Variants in PPM1B observed in about 807,000 individuals in gnomAD.
The protein encoded by PPM1B is protein phosphatase, Mg2+/Mn2+ dependent 1B, also known as protein phosphatase 1B.
PPM1B carries 22 observed loss-of-function variants against 43.0 expected under a neutral mutation model. That is an observed-to-expected ratio of 0.51 (90% confidence interval 0.37 to 0.73). The LOEUF is 0.73. PPM1B is among the 30% of genes least tolerant of loss of function. The pLI is 0.00. For missense variants in PPM1B, 632 were observed against 584.2 expected (o/e 1.08, Z -0.84); for synonymous variants, 217 against 197.9 (o/e 1.10, Z -0.81).
At chr2:44,208,673 A>T (rs754167656) in intron 2 of PPM1B, among the ~76,000 whole-genome samples, 1 of 152,204 alleles carries the variant, frequency 6.6e-6, no homozygotes, top group African/African-American at 2.4e-5. Context: ...AGATTGCGCC[A>T]TTGTGCTCCA....
At chr2:44,213,625 C>A (rs558927724) in intron 3 of PPM1B, 1 of 152,132 alleles carries the variant, frequency 6.6e-6, no homozygotes, top group East Asian at 1.9e-4. Context: ...TAGCTATGCA[C>A]CCTAAACAAT....
At chr2:44,192,475 C>T (rs2104079808) in intron 1 of PPM1B, among the ~76,000 whole-genome samples, 1 of 152,242 alleles carries the variant, frequency 6.6e-6, no homozygotes, top group South Asian at 2.1e-4. Context: ...CTCGGCCTCC[C>T]AAAGTACTGG....
chr2:44,222,688 A>T (rs748401463), intron 5 of PPM1B, among the ~76,000 whole-genome samples: 3 of 152,210 alleles, frequency 2.0e-5, no homozygotes, highest in Non-Finnish European at 4.4e-5. Flanking sequence ...AATTTGAATT[A>T]GTCTGACTCC....
Position 44,201,206 on chromosome 2 carries a change from G to A in PPM1B, c.7G>A (p.Ala3Thr). The change falls in exon 2 of 6, where the codon GCA becomes ACA. Residue 3 changes from alanine (A) to threonine (T), a missense_variant. Around this residue, in one of 3 missense-constraint regions of PPM1B, gnomAD observed 200 missense variants for 200.7 expected, o/e 1.00. Coordinates refer to ENST00000282412, the MANE Select transcript of PPM1B (RefSeq NM_002706.6). The surrounding 1 kb of genome is among the most constrained non-coding windows in gnomAD (Gnocchi z 5.4). ...TTCAGATTTATTGCTAAACATGGGT[G>A]CATTTTTGGATAAACCCAAAACTGA... Reference protein sequence around the residue: MGAFLDKPKTEKH... With the variant: MGTFLDKPKTEKH... The A allele has an allele frequency of 1.9e-6, 3 of 1,583,856 alleles. No homozygotes were observed. The highest frequency in any genetic ancestry group is 1.4e-5 in the African/African-American group (1 of 73,984).
chr2:44,190,423 T>C (rs1572700055), intron 1 of PPM1B, among the ~76,000 whole-genome samples: 1 of 152,312 alleles, frequency 6.6e-6, no homozygotes, highest in Non-Finnish European at 1.5e-5. Flanking sequence ...CCTCCCAAAG[T>C]GTTGGGATTA....
intron 1 of PPM1B, among the ~76,000 whole-genome samples, chr2:44,192,814 A>G (rs1022102275): frequency 6.6e-6 from 1 of 152,178 alleles, no homozygotes; most frequent in Non-Finnish European, 1.5e-5. Context: ...GAGAATATAC[A>G]ATATTTGTCT....
At chr2:44,229,931 A>C in intron 5 of PPM1B, 1 of 1,398,216 alleles carries the variant, frequency 7.2e-7, no homozygotes, top group East Asian at 2.6e-5. Context: ...AAAACTCTAA[A>C]ATCTTTCAAA....
At chr2:44,170,484 T>C (rs533163414) in intron 1 of PPM1B, among the ~76,000 whole-genome samples, 1 of 152,346 alleles carries the variant, frequency 6.6e-6, no homozygotes, top group East Asian at 1.9e-4. Context: ...TTACTGAGGC[T>C]TACTGTGGGA....
Position 44,178,477 on chromosome 2 carries a change from T to A in PPM1B, c.-15+9203T>A, listed in dbSNP as rs531811551. On this transcript the variant is annotated intron_variant, in intron 1 of 5. Transcript: ENST00000282412. ...GTATATATATATATATATATATATT[T>A]TTTTTTTTAGACAGAGTTTCGCTCT... 4.6e-3 allele frequency among the ~76,000 whole-genome samples: 652 copies of A among 142,704 alleles called. 10 individuals are homozygous for A. In the South Asian group the frequency reaches 0.05, roughly 11 times the overall value. 93.6% of individuals were successfully genotyped at this position (142,704 alleles called of 152,430 possible). A position where few individuals can be genotyped will look rare whatever the true frequency, so the allele number is the denominator to read the frequency against.
chr2:44,172,053 C>G (rs1667373610), intron 1 of PPM1B, among the ~76,000 whole-genome samples: 1 of 151,998 alleles, frequency 6.6e-6, no homozygotes, highest in Non-Finnish European at 1.5e-5. Context: ...CTGGTGGCAT[C>G]AGAATAATAA....
At position 44,230,614 on chromosome 2, in the gene PPM1B, C is replaced by T; in HGVS notation, c.1336C>T (p.Pro446Ser). ...TTCTTCGAACAGTGATGCTGGAAAC[C>T]CAGTGACAATGCAGGAAAGCCATAC... ...ATSSNSDAGN[P>S]VTMQESHTES... is the part of the protein sequence containing the mutation. Residue 446 changes from proline (P) to serine (S), a missense_variant, in exon 6 of 6, where the codon CCA (proline) becomes TCA (serine). Coordinates refer to ENST00000282412, the MANE Select transcript of PPM1B (RefSeq NM_002706.6). 1 of 1,614,126 alleles carries T rather than the reference C, an allele frequency of 6.2e-7. No individual in the cohort carries two copies.
At position 44,231,138 on chromosome 2, in the gene PPM1B, C is replaced by A. The variant is rs1670453530; in HGVS notation, c.*420C>A. On this transcript the variant is annotated 3_prime_UTR_variant, in exon 6 of 6. Coordinates refer to ENST00000282412, the MANE Select transcript of PPM1B (RefSeq NM_002706.6). ...TAGCTTTGTAATAAATTTATGTTTTCTTTAATAATTTTAGTTCTTCAAAGA... is the reference window on the plus strand; with the variant it reads ...TAGCTTTGTAATAAATTTATGTTTTATTTAATAATTTTAGTTCTTCAAAGA... 1 of 948,766 alleles carries A rather than the reference C, an allele frequency of 1.1e-6. No homozygotes were observed. Among genetic ancestry groups the A allele is most frequent in the African/African-American group, 1.8e-5 (1 of 56,318 alleles). 58.8% of individuals were successfully genotyped at this position (948,766 alleles called of 1,614,324 possible). A position where few individuals can be genotyped will look rare whatever the true frequency, so the allele number is the denominator to read the frequency against.
At chr2:44,172,797 C>T (rs888638158) in intron 1 of PPM1B, among the ~76,000 whole-genome samples, 2 of 152,208 alleles carry the variant, frequency 1.3e-5, no homozygotes, top group East Asian at 3.9e-4. Context: ...TAGTTAGCTG[C>T]TTGGGAGGCT....
intron 1 of PPM1B, among the ~76,000 whole-genome samples, chr2:44,176,501 A>G (rs1667588213): frequency 6.6e-6 from 1 of 152,172 alleles, no homozygotes; most frequent in Non-Finnish European, 1.5e-5. Context: ...TTCTCCTTCC[A>G]TAGCTTTGTT....
chr2:44,246,045 C>T (rs1460671518), downstream of PPM1B, among the ~76,000 whole-genome samples: 2 of 152,134 alleles, frequency 1.3e-5, no homozygotes, highest in Non-Finnish European at 2.9e-5. Flanking sequence ...TCTTTTCTGT[C>T]CCCCATTATT....
chr2:44,185,064 T>C (rs2104037387), intron 1 of PPM1B, among the ~76,000 whole-genome samples: 1 of 151,848 alleles, frequency 6.6e-6, no homozygotes, highest in Non-Finnish European at 1.5e-5. Context: ...TTGGGTTTTA[T>C]AGTAATCCTA....
downstream of PPM1B, among the ~76,000 whole-genome samples, chr2:44,245,517 T>A (rs112032374): frequency 7.9e-5 from 12 of 152,346 alleles, no homozygotes; most frequent in African/African-American, 2.2e-4. Flanking sequence ...AGAGATGTAG[T>A]TGATCTGAGT....
At position 44,209,252 on chromosome 2, in the gene PPM1B, A is replaced by C. The variant is rs1486301767; in HGVS notation, c.889A>C (p.Asn297His). 6.2e-7 allele frequency: 1 copy of C among 1,613,860 alleles called. No homozygotes were observed. The highest frequency in any genetic ancestry group is 1.1e-5 in the South Asian group (1 of 91,058). ...NMSIVLVCFS[N>H]APKVSDEAVK... ...GAGTATTGTACTAGTTTGCTTTTCA[A>C]ATGCTCCCAAGGTCTCAGATGAAGC... is the stretch of plus-strand genomic sequence containing the variant. The change falls in exon 3 of 6, where the codon AAT (asparagine) becomes CAT (histidine). Residue 297 changes from asparagine (N) to histidine (H), a missense_variant. Asn to His is a moderately conservative substitution (Grantham distance 68). Transcript: ENST00000282412.
chr2:44,214,143 G>A (rs768675809), intron 3 of PPM1B, among the ~76,000 whole-genome samples: 31 of 152,134 alleles, frequency 2.0e-4, no homozygotes, highest in Admixed American at 3.3e-4. Flanking sequence ...GCAGTGGCGC[G>A]ATCTCGGCTC....
Sources: allele counts gnomAD v4.1 joint callset (sites outside exome capture counted in the v4.1 genomes callset), GRCh38; gene constraint gnomAD v4.1.1; regional missense constraint gnomAD v4.1.1; non-coding constraint Gnocchi (gnomAD v3.1); transcripts MANE v1.5; gene names NCBI Gene and HGNC (gene_info 2026-07-23, HGNC 2026-07-21).